GBF1: variants seen among roughly 807,000 people sequenced by gnomAD.
The protein encoded by GBF1 is Golgi-specific brefeldin A-resistance guanine nucleotide exchange factor 1.
A neutral mutation model predicts 210.5 loss-of-function variants in GBF1; 114 were observed. The observed-to-expected ratio is 0.54, with a 90% CI of 0.47 to 0.63. The LOEUF (loss-of-function observed/expected upper bound fraction) is 0.63. Among genes scored for constraint, GBF1 ranks in the 30% least tolerant of loss-of-function variants. GBF1 has a pLI of 0.00. For synonymous variants in GBF1, 850 were observed against 889.2 expected (o/e 0.96, Z 0.78); for missense variants, 1,851 against 2,357.7 (o/e 0.79, Z 4.45).
At chr10:102,362,207 C>A (rs1217541495) in intron 14 of GBF1, among the ~76,000 whole-genome samples, 1 of 151,556 alleles carries the variant, frequency 6.6e-6, no homozygotes, top group Admixed American at 6.6e-5. Flanking sequence ...CAGGTGCCCA[C>A]CACCACGCCC....
intron 3 of GBF1, among the ~76,000 whole-genome samples, chr10:102,326,916 G>A (rs1347380744): frequency 6.6e-6 from 1 of 152,186 alleles, no homozygotes; most frequent in Non-Finnish European, 1.5e-5. Flanking sequence ...AGAGGTTGGT[G>A]AAGGGCTTTC....
At chr10:102,381,279 A>T in intron 39 of GBF1, 24 bp downstream of exon 39, 1 of 1,611,130 alleles carries the variant, frequency 6.2e-7, no homozygotes, top group Non-Finnish European at 8.5e-7. Context: ...GCCTAGCCTG[A>T]TAGGCACTGA....
At chr10:102,338,738 G>A (rs1280566955) in intron 3 of GBF1, among the ~76,000 whole-genome samples, 2 of 151,760 alleles carry the variant, frequency 1.3e-5, no homozygotes, top group African/African-American at 2.4e-5. Flanking sequence ...CCTGAGGTTG[G>A]GAGTTTGAGA....
chr10:102,277,470 C>T (rs966718255), intron 3 of GBF1, among the ~76,000 whole-genome samples: 15 of 151,478 alleles, frequency 9.9e-5, no homozygotes, highest in East Asian at 1.9e-4. Flanking sequence ...GCTCGCCTCC[C>T]GGGTTCAACC....
chr10:102,348,703 T>C (rs1379768225), intron 4 of GBF1, among the ~76,000 whole-genome samples: 1 of 152,222 alleles, frequency 6.6e-6, no homozygotes, highest in Non-Finnish European at 1.5e-5. Flanking sequence ...TCCTTCTGCA[T>C]GACCTCTAAA....
chr10:102,353,076 G>C, intron 7 of GBF1, among the ~76,000 whole-genome samples: 1 of 152,096 alleles, frequency 6.6e-6, no homozygotes, highest in Admixed American at 6.5e-5. Flanking sequence ...CTGAGGCAAT[G>C]GCTTTAAACC....
chr10:102,375,283 G>C, intron 29 of GBF1, 76 bp from the exon 30 acceptor site: 1 of 866,760 alleles, frequency 1.2e-6, no homozygotes, highest in Admixed American at 1.7e-5. Flanking sequence ...AGACTGGTGG[G>C]AAAGAAAACT....
Position 102,382,412 on chromosome 10 carries a change from C to T in GBF1, c.*76C>T. 1 of 1,338,118 alleles carries T rather than the reference C, an allele frequency of 7.5e-7. No individual in the cohort carries two copies. The highest frequency in any genetic ancestry group is 1.0e-6 in the Non-Finnish European group (1 of 973,578). The allele number at this position is 1,338,118 out of a possible 1,614,324, so 82.9% of individuals were successfully genotyped here. On this transcript the variant is annotated 3_prime_UTR_variant, in exon 40 of 40. Coordinates refer to ENST00000369983, the MANE Select transcript of GBF1 (RefSeq NM_001377137.1). ...ACCCCACTTCTGGCTGTCCTGCGGG[C>T]CACAAGCTCTTCAGGCCAAGTCAGA...
chr10:102,299,341 G>T (rs2077152582), intron 3 of GBF1, among the ~76,000 whole-genome samples: 1 of 152,088 alleles, frequency 6.6e-6, no homozygotes, highest in African/African-American at 2.4e-5. Context: ...ACTACCATGG[G>T]GTAGTATGAG....
chr10:102,281,381 T>C (rs1272225183), intron 3 of GBF1, among the ~76,000 whole-genome samples: 1 of 152,140 alleles, frequency 6.6e-6, no homozygotes, highest in African/African-American at 2.4e-5. Flanking sequence ...CTACTTAAGA[T>C]AGCTACCTAC....
chr10:102,235,653 T>C, the GBF1 span, among the ~76,000 whole-genome samples: 1 of 152,208 alleles, frequency 6.6e-6, no homozygotes, highest in African/African-American at 2.4e-5. Flanking sequence ...AACAAATGTT[T>C]ATTTAGCACA....
chr10:102,342,387 A>ATG (rs926083121), intron 3 of GBF1, among the ~76,000 whole-genome samples: 1 of 148,902 alleles, frequency 6.7e-6, no homozygotes, highest in Non-Finnish European at 1.5e-5. Flanking sequence ...TTTCACACAC[A>ATG]CGCACACACA....
intron 1 of GBF1, among the ~76,000 whole-genome samples, chr10:102,256,409 T>C (rs1722124575): frequency 6.6e-6 from 1 of 152,166 alleles, no homozygotes; most frequent in Non-Finnish European, 1.5e-5. Flanking sequence ...TTGTATCTAT[T>C]CCACTAAACT....
Position 102,365,604 on chromosome 10 carries a change from G to A in GBF1, c.2309+5G>A. 2.5e-6 allele frequency: 4 copies of A among 1,612,680 alleles called. No homozygotes were observed. The highest frequency in any genetic ancestry group is 2.5e-6 in the Non-Finnish European group (3 of 1,178,736). ...CCTGTTGGAGAGCTTTGTGAGGTGA[G>A]GAAGCTGTAAGAAATGTGGGATATA... is the stretch of plus-strand genomic sequence containing the variant. On this transcript the variant is annotated splice_donor_5th_base_variant and intron_variant, in intron 18 of 39. Coordinates refer to ENST00000369983, the MANE Select transcript of GBF1 (RefSeq NM_001377137.1).
chr10:102,353,109 T>C (rs965568494), intron 7 of GBF1, among the ~76,000 whole-genome samples: 1 of 152,128 alleles, frequency 6.6e-6, no homozygotes, highest in Non-Finnish European at 1.5e-5. Context: ...TTCTTTTTGC[T>C]CTCAAATCTA....
chr10:102,381,258 G>A lies in GBF1; in HGVS notation c.5302+3G>A. The A allele has an allele frequency of 3.7e-6, 6 of 1,613,636 alleles. No individual in the cohort carries two copies. The highest frequency in any genetic ancestry group is 5.1e-6 in the Non-Finnish European group (6 of 1,179,912). ...TCCATCTGAGCTGGGGGCCTGTGGT[G>A]AGTCTCTCTAGCCTAGCCTGATAGG... On this transcript the variant is annotated splice_donor_region_variant and intron_variant, in intron 39 of 39. Transcript: ENST00000369983.
At chr10:102,282,903 A>C (rs1023164001) in intron 3 of GBF1, among the ~76,000 whole-genome samples, 1 of 152,246 alleles carries the variant, frequency 6.6e-6, no homozygotes, top group African/African-American at 2.4e-5. Flanking sequence ...TTAAAAATTC[A>C]ATAAGACATG....
intron 3 of GBF1, among the ~76,000 whole-genome samples, chr10:102,283,246 G>A (rs752593227): frequency 2.0e-5 from 3 of 152,148 alleles, no homozygotes; most frequent in Non-Finnish European, 2.9e-5. Flanking sequence ...ATCATTCTCC[G>A]TTTATGCTTT....
chr10:102,379,999 T>G (rs1332235587), intron 36 of GBF1, 45 bp downstream of exon 36: 1 of 1,324,696 alleles, frequency 7.5e-7, no homozygotes, highest in East Asian at 2.3e-5. Context: ...CATACCTGCC[T>G]TTTCCCGAGG....
Sources: allele counts gnomAD v4.1 joint callset (sites outside exome capture counted in the v4.1 genomes callset), GRCh38; gene constraint gnomAD v4.1.1; transcripts MANE v1.5; gene names NCBI Gene and HGNC (gene_info 2026-07-23, HGNC 2026-07-21).